Variants in SGCD observed in about 807,000 individuals in gnomAD.
SGCD encodes the protein delta-sarcoglycan.
A neutral mutation model predicts 36.6 loss-of-function variants in SGCD; 18 were observed. The observed-to-expected ratio is 0.49, with a 90% CI of 0.34 to 0.73. SGCD has a LOEUF of 0.73. SGCD is among the 30% of genes least tolerant of loss of function. SGCD has a pLI of 0.01. For missense variants in SGCD, 387 were observed against 346.7 expected (o/e 1.12, Z -0.92); for synonymous variants, 133 against 130.6 (o/e 1.02, Z -0.12).
intron 1 of SGCD, among the ~76,000 whole-genome samples, chr5:156,116,144 G>A (rs1488704403): frequency 1.3e-5 from 2 of 151,990 alleles, no homozygotes; most frequent in Non-Finnish European, 2.9e-5. Flanking sequence ...ACAAAGAAAG[G>A]CAGCTTGTTT....
At chr5:156,572,984 AATTAAGAAATGTACAT>A (rs1219020635) in intron 4 of SGCD, among the ~76,000 whole-genome samples, 1 of 152,226 alleles carries the variant, frequency 6.6e-6, no homozygotes, top group Admixed American at 6.5e-5. Context: ...ACACAAAAAT[AATTAAGAAATGTACAT>A]ATTACCTGTA....
Position 156,605,545 on chromosome 5 carries a change from A to T in SGCD, c.502+10494A>T, listed in dbSNP as rs191759853. 8.5e-5 allele frequency among the ~76,000 whole-genome samples: 13 copies of T among 152,288 alleles called. No individual in the cohort carries two copies. In the East Asian group the frequency reaches 2.5e-3, roughly 29 times the overall value. On this transcript the variant is annotated intron_variant, in intron 6 of 8. Transcript: ENST00000337851. The stretch of plus-strand genomic sequence containing the variant: ...TGTCTTTATAGCAGCATGTTTTATA[A>T]TCCTTTGGGTATATACCCAGTAATG...
Position 156,599,876 on chromosome 5 carries a change from C to T in SGCD, c.502+4825C>T, listed in dbSNP as rs76782005. Among the ~76,000 whole-genome samples the T allele has an allele frequency of 2.4e-3, 365 of 152,274 alleles. 9 individuals are homozygous for T. The East Asian group carries it at 0.049, about 20-fold the overall frequency. Reference sequence around the variant, plus strand: ...GCTTTGGGTATGTTGCTTCATCGTTCTAGGGATCCTCTTATAACTCTGTGA... The same window carrying T: ...GCTTTGGGTATGTTGCTTCATCGTTTTAGGGATCCTCTTATAACTCTGTGA... On this transcript the variant is annotated intron_variant, in intron 6 of 8. Transcript: ENST00000337851.
chr5:156,119,896 A>G (rs1335823152), intron 2 of SGCD, among the ~76,000 whole-genome samples: 1 of 152,154 alleles, frequency 6.6e-6, no homozygotes, highest in Non-Finnish European at 1.5e-5. Flanking sequence ...CTTTTGAAAA[A>G]TGACAGATTC....
Position 156,577,447 on chromosome 5 carries a change from G to T in SGCD, c.295-11784G>T, listed in dbSNP as rs1760015080. 2.0e-5 allele frequency among the ~76,000 whole-genome samples: 3 copies of T among 152,134 alleles called. No individual in the cohort carries two copies. The East Asian group carries it at 5.8e-4, about 29-fold the overall frequency. On this transcript the variant is annotated intron_variant, in intron 4 of 8. Coordinates refer to ENST00000337851, the MANE Select transcript of SGCD (RefSeq NM_000337.6). ...CTTTAAAGTAGTTTTTTCCAATTCT[G>T]TGAAGAAAGTCATTGGTATCTTGAT...
At chr5:156,487,307 C>G (rs1161793510) in intron 3 of SGCD, among the ~76,000 whole-genome samples, 1 of 152,032 alleles carries the variant, frequency 6.6e-6, no homozygotes, top group Non-Finnish European at 1.5e-5. Flanking sequence ...AGAATCAAAG[C>G]CAAAGCATCC....
At chr5:156,653,791 G>C (rs917935527) in intron 7 of SGCD, among the ~76,000 whole-genome samples, 13 of 151,954 alleles carry the variant, frequency 8.6e-5, no homozygotes, top group African/African-American at 3.1e-4. Flanking sequence ...TGACTCTTCT[G>C]GTCTCTGACT....
chr5:156,076,429 G>T (rs765888074), intron 1 of SGCD, among the ~76,000 whole-genome samples: 2 of 151,998 alleles, frequency 1.3e-5, no homozygotes, highest in African/African-American at 4.8e-5. Context: ...TTACCACCTT[G>T]TTCAGTTCAA....
At chr5:156,395,654 C>T (rs921509433) in intron 3 of SGCD, among the ~76,000 whole-genome samples, 1 of 152,112 alleles carries the variant, frequency 6.6e-6, no homozygotes, top group African/African-American at 2.4e-5. Flanking sequence ...TACATCTAAT[C>T]CTCTTCATGA....
chr5:156,525,944 G>GT (rs1174090782), intron 4 of SGCD, among the ~76,000 whole-genome samples: 2 of 151,996 alleles, frequency 1.3e-5, no homozygotes, highest in Non-Finnish European at 1.5e-5. Flanking sequence ...CTATGTGTCT[G>GT]TTTTTTGTTT....
At chr5:156,335,490 C>T (rs1768301758) in intron 2 of SGCD, among the ~76,000 whole-genome samples, 2 of 152,146 alleles carry the variant, frequency 1.3e-5, no homozygotes, top group Non-Finnish European at 2.9e-5. Flanking sequence ...TCCCGAAGCC[C>T]AGTCTTCCTT....
intron 3 of SGCD, among the ~76,000 whole-genome samples, chr5:156,270,057 G>T (rs1035162410): frequency 6.6e-6 from 1 of 152,180 alleles, no homozygotes; most frequent in African/African-American, 2.4e-5. Context: ...TGTATTTGGT[G>T]TAAGGAAGGG....
At chr5:156,324,784 G>A (rs975753429), upstream of SGCD, among the ~76,000 whole-genome samples, 3 of 151,526 alleles carry the variant, frequency 2.0e-5, no homozygotes, top group East Asian at 1.9e-4. Context: ...GGCATAAAAC[G>A]TGAATAATAA....
intron 3 of SGCD, among the ~76,000 whole-genome samples, chr5:156,368,526 T>G (rs749478020): frequency 9.9e-5 from 15 of 152,206 alleles, no homozygotes; most frequent in Non-Finnish European, 2.1e-4. Context: ...ACATTTCTTA[T>G]TCTGTCAAGG....
In SGCD at chr5:156,078,563, ATATATATATTTATATT is replaced by A. The variant is rs1457265446; in HGVS notation, c.-281-39291_-281-39276del. ...TTTATTTATATATATATTTATATTT[ATATATATATTTATATT>A]TATATATATTTATATTTATATATTT... On this transcript the variant is annotated intron_variant, in intron 1 of 9. Coordinates refer to the SGCD transcript ENST00000517913. Among the ~76,000 whole-genome samples the A allele has an allele frequency of 2.3e-3, 247 of 106,716 alleles. 1 individual carries two copies. Among genetic ancestry groups the A allele is most frequent in the South Asian group, 0.013 (52 of 3,924 alleles). 70.0% of individuals were successfully genotyped at this position (106,716 alleles called of 152,430 possible). A position where few individuals can be genotyped will look rare whatever the true frequency, so the allele number is the denominator to read the frequency against.
rs540582677 is a variant in SGCD at position 156,401,430 on chromosome 5, C to T, written c.192+56753C>T. Among the ~76,000 whole-genome samples the T allele has an allele frequency of 3.5e-4, 53 of 152,290 alleles. No individual in the cohort carries two copies. In the South Asian group the frequency reaches 0.01, roughly 29 times the overall value. ...GTAGGTAGAGTCTGTACTATTTCAT[C>T]TTGTTCTTTCATTGGCAAAGCCATG... On this transcript the variant is annotated intron_variant, in intron 3 of 8. Coordinates refer to ENST00000337851, the MANE Select transcript of SGCD (RefSeq NM_000337.6).
intron 6 of SGCD, among the ~76,000 whole-genome samples, chr5:156,639,383 C>T (rs1453048713): frequency 1.3e-5 from 2 of 152,144 alleles, no homozygotes; most frequent in African/African-American, 2.4e-5. Flanking sequence ...AAATTCCCAG[C>T]CTAGATGAAC....
At chr5:155,952,320 G>T (rs146571836) in intron 1 of SGCD, among the ~76,000 whole-genome samples, 6 of 151,994 alleles carry the variant, frequency 3.9e-5, no homozygotes, top group Non-Finnish European at 2.9e-5. Context: ...ATTATACTGC[G>T]TCAAAGTGGA....
chr5:155,884,013 T>C (rs1755947984), intron 1 of SGCD, among the ~76,000 whole-genome samples: 1 of 152,172 alleles, frequency 6.6e-6, no homozygotes, highest in Admixed American at 6.5e-5. Flanking sequence ...CAAGGAAACA[T>C]GCCCATGAAG....
Sources: allele counts gnomAD v4.1 joint callset (sites outside exome capture counted in the v4.1 genomes callset), GRCh38; gene constraint gnomAD v4.1.1; transcripts MANE v1.5; gene names NCBI Gene and HGNC (gene_info 2026-07-23, HGNC 2026-07-21).